Variants in NUP107 observed in about 807,000 individuals in gnomAD.
The protein encoded by NUP107 is nucleoporin 107.
In NUP107, 101 loss-of-function variants were observed where a neutral mutation model predicts 141.0. That is an observed-to-expected ratio of 0.72 (90% CI 0.61 to 0.84). The LOEUF (loss-of-function observed/expected upper bound fraction) is 0.84, where lower values mean the gene tolerates loss of function less well. Among genes scored for constraint, NUP107 ranks in the 40% least tolerant of loss-of-function variants. The pLI is 0.00. For missense variants in NUP107, 941 were observed against 1,102.7 expected (o/e 0.85, Z 2.08); for synonymous variants, 319 against 363.9 (o/e 0.88, Z 1.41).
At chr12:68,695,547 A>G (rs915705442) in intron 5 of NUP107, among the ~76,000 whole-genome samples, 1 of 152,238 alleles carries the variant, frequency 6.6e-6, no homozygotes. Context: ...TTCCACTTAC[A>G]TGAGATATTT....
chr12:68,714,037 G>C (rs1267286683), intron 11 of NUP107: 2 of 446,712 alleles, frequency 4.5e-6, no homozygotes, highest in Admixed American at 4.4e-5. Flanking sequence ...TAACTTGACA[G>C]CATTAAAAAC....
In NUP107 at chr12:68,732,132, T is replaced by C. The variant is rs574721941; in HGVS notation, c.1998+413T>C. ...TTCCAGATTAATATTTTCTATAATT[T>C]ATTTTTATTTTTATTTTCTTGAGAC... On this transcript the variant is annotated intron_variant, in intron 22 of 27. Transcript: ENST00000229179. Among the ~76,000 whole-genome samples the C allele has an allele frequency of 3.9e-5, 6 of 152,286 alleles. No homozygotes were observed. In the South Asian group the frequency reaches 1.2e-3, roughly 32 times the overall value.
At chr12:68,704,282 C>G (rs1174142709) in intron 8 of NUP107, among the ~76,000 whole-genome samples, 14 of 151,988 alleles carry the variant, frequency 9.2e-5, no homozygotes, top group Admixed American at 7.9e-4. Context: ...ATGCAAATAG[C>G]CTCAGATGTT....
chr12:68,712,171 T>C (rs1876885274), intron 10 of NUP107, among the ~76,000 whole-genome samples: 1 of 152,058 alleles, frequency 6.6e-6, no homozygotes. Flanking sequence ...GGTTTAAGAC[T>C]TGCAAAAGAT....
At chr12:68,694,969 G>A (rs1433590728) in intron 5 of NUP107, among the ~76,000 whole-genome samples, 1 of 152,148 alleles carries the variant, frequency 6.6e-6, no homozygotes, top group Non-Finnish European at 1.5e-5. Flanking sequence ...CAAATGACCA[G>A]TAAGCACATG....
At chr12:68,715,450 C>T (rs560578151) in intron 11 of NUP107, among the ~76,000 whole-genome samples, 177 bp from the exon 12 acceptor site, 3 of 152,144 alleles carry the variant, frequency 2.0e-5, no homozygotes, top group South Asian at 2.1e-4. Flanking sequence ...GCTGAGATCG[C>T]GCCACTGCAC....
At position 68,734,769 on chromosome 12, in the gene NUP107, C is replaced by T. The variant is rs779502187; in HGVS notation, c.2324C>T (p.Ala775Val). The T allele has an allele frequency of 2.5e-6, 4 of 1,613,234 alleles. No homozygotes were observed. The highest frequency in any genetic ancestry group is 1.6e-4 in the Middle Eastern group (1 of 6,076). ...KHMNSVPQKP[A>V]LIPQPTFTEK... ...ATGAATTCAGTTCCACAAAAACCTG[C>T]TTTGATACCTCAACCAACTTTTACT... is the stretch of plus-strand genomic sequence containing the variant. The change falls in exon 25 of 28, where the codon GCT (alanine) becomes GTT (valine). Residue 775 changes from alanine (A) to valine (V), a missense_variant. Physicochemically the swap from Ala to Val is moderately conservative, Grantham distance 64 (BLOSUM62 0). Transcript: ENST00000229179.
At chr12:68,702,815 A>G in intron 8 of NUP107, 31 bp downstream of exon 8, 1 of 1,231,628 alleles carries the variant, frequency 8.1e-7, no homozygotes, top group Non-Finnish European at 1.1e-6. Flanking sequence ...TTCTTTTATA[A>G]ATACATACAA....
chr12:68,730,305 A>G (rs1187026031), intron 20 of NUP107, among the ~76,000 whole-genome samples: 1 of 131,630 alleles, frequency 7.6e-6, no homozygotes, highest in Non-Finnish European at 1.5e-5. Context: ...ACTGCAACCC[A>G]CCTCCCAAGT....
At chr12:68,716,039 C>T (rs199589465) in intron 12 of NUP107, among the ~76,000 whole-genome samples, 1 of 151,376 alleles carries the variant, frequency 6.6e-6, no homozygotes, top group Non-Finnish European at 1.5e-5. Flanking sequence ...TTTTTTGTTC[C>T]GTTTGAGATT....
chr12:68,739,292 T>G (rs1442456350), intron 26 of NUP107, among the ~76,000 whole-genome samples: 1 of 152,256 alleles, frequency 6.6e-6, no homozygotes, highest in Non-Finnish European at 1.5e-5. Flanking sequence ...ATTAATTTAT[T>G]TGCTTTTTGT....
At chr12:68,712,698 T>TA (rs1449921931) in intron 10 of NUP107, among the ~76,000 whole-genome samples, 1 of 151,784 alleles carries the variant, frequency 6.6e-6, no homozygotes, top group Non-Finnish European at 1.5e-5. Context: ...TTTAATGAGT[T>TA]AATCTCCTTT....
intron 5 of NUP107, among the ~76,000 whole-genome samples, chr12:68,695,834 C>G (rs1388797009): frequency 6.6e-6 from 1 of 151,944 alleles, no homozygotes; most frequent in Non-Finnish European, 1.5e-5. Flanking sequence ...AAGACCCTGT[C>G]TCTACAGACT....
chr12:68,704,350 A>G (rs1017904754), intron 8 of NUP107, among the ~76,000 whole-genome samples: 3 of 152,222 alleles, frequency 2.0e-5, no homozygotes, highest in Non-Finnish European at 2.9e-5. Flanking sequence ...TAAACCAGCT[A>G]TATCTGTTTT....
At chr12:68,709,854 A>C (rs1460840420) in intron 9 of NUP107, 151 bp from the exon 10 acceptor site, 4 of 458,612 alleles carry the variant, frequency 8.7e-6, no homozygotes, top group African/African-American at 6.2e-5. Flanking sequence ...ATGCCACTGC[A>C]CTCCAGCCTG....
chr12:68,688,921 A>C (rs1370234197), intron 1 of NUP107, 41 bp from the exon 2 acceptor site: 7 of 1,437,506 alleles, frequency 4.9e-6, no homozygotes, highest in Non-Finnish European at 6.8e-6. Flanking sequence ...TAAATGCTAT[A>C]TTCTCGTTTC....
Position 68,719,628 on chromosome 12 carries a change from A to AT in NUP107, c.1226dup (p.Ser410LysfsTer9), listed in dbSNP as rs1391838663. On this transcript the variant is annotated frameshift_variant, in exon 14 of 28. Coordinates refer to ENST00000229179, the MANE Select transcript of NUP107 (RefSeq NM_020401.4). LOFTEE classifies it high-confidence loss of function. The stretch of plus-strand genomic sequence containing the variant: ...GAATCCATATAGACGCATTTGGAAA[A>AT]TAAGTTGCTGGAGAATGGCAGAAGA... 6.2e-7 allele frequency: 1 copy of AT among 1,612,512 alleles called. No homozygotes were observed. The highest frequency in any genetic ancestry group is 1.3e-5 in the African/African-American group (1 of 74,914).
chr12:68,721,314 A>G (rs1877340602), intron 15 of NUP107, 137 bp downstream of exon 15: 1 of 532,712 alleles, frequency 1.9e-6, no homozygotes, highest in South Asian at 3.0e-5. Context: ...GCAATGATAG[A>G]GATAATCATG....
intron 10 of NUP107, among the ~76,000 whole-genome samples, chr12:68,711,722 T>G (rs182844946): frequency 8.5e-4 from 130 of 152,116 alleles, no homozygotes; most frequent in Admixed American, 3.8e-3. Flanking sequence ...GAACGTAAAG[T>G]GTTTGCACAA....
Sources: gnomAD v4.1 joint callset for allele counts (sites outside exome capture counted in the v4.1 genomes callset) on GRCh38, gnomAD v4.1.1 for gene constraint, MANE v1.5 for transcripts, NCBI Gene and HGNC (gene_info 2026-07-23, HGNC 2026-07-21) for gene names.